Variants in PLPPR5 observed in about 807,000 individuals in gnomAD.
PLPPR5 encodes phospholipid phosphatase related 5, also known as phospholipid phosphatase-related protein type 5.
Under a neutral mutation model 33.9 loss-of-function variants are expected in PLPPR5, and 16 were observed. The ratio of observed to expected loss-of-function variants is 0.47; its 90% CI spans 0.32 to 0.72. The LOEUF (loss-of-function observed/expected upper bound fraction) is 0.72. PLPPR5 is among the 30% of genes least tolerant of loss of function. The pLI is 0.03. For missense variants in PLPPR5, 301 were observed against 406.7 expected (o/e 0.74, Z 2.23); for synonymous variants, 163 against 150.3 (o/e 1.08, Z -0.62).
chr1:98,948,072 C>T (rs1168017322), intron 3 of PLPPR5, among the ~76,000 whole-genome samples: 4 of 152,136 alleles, frequency 2.6e-5, no homozygotes, highest in Non-Finnish European at 4.4e-5. Context: ...CCTATTGTTT[C>T]TACTCCAGAC....
At chr1:98,964,338 G>C (rs1651357919) in intron 1 of PLPPR5, among the ~76,000 whole-genome samples, 1 of 152,144 alleles carries the variant, frequency 6.6e-6, no homozygotes. Context: ...GGCACCAGCT[G>C]TCTATAGAGG....
At chr1:98,997,175 C>A (rs1652660211) in intron 1 of PLPPR5, among the ~76,000 whole-genome samples, 1 of 152,082 alleles carries the variant, frequency 6.6e-6, no homozygotes, top group African/African-American at 2.4e-5. Flanking sequence ...ACTTATCAAG[C>A]ACTTAGTGCA....
At chr1:98,949,231 C>T (rs1273675653) in intron 3 of PLPPR5, among the ~76,000 whole-genome samples, 3 of 150,768 alleles carry the variant, frequency 2.0e-5, no homozygotes, top group Admixed American at 6.6e-5. Flanking sequence ...TTTTTTTTCC[C>T]GGAGAACCAA....
At chr1:98,997,111 G>A (rs989087180) in intron 1 of PLPPR5, among the ~76,000 whole-genome samples, 5 of 152,134 alleles carry the variant, frequency 3.3e-5, no homozygotes, top group African/African-American at 1.2e-4. Flanking sequence ...AATGTCATTT[G>A]CTCTGCATTA....
chr1:98,948,632 C>G (rs1200027416), intron 3 of PLPPR5, among the ~76,000 whole-genome samples: 1 of 152,068 alleles, frequency 6.6e-6, no homozygotes, highest in African/African-American at 2.4e-5. Context: ...CTTAAGATAC[C>G]CTGCAGCTTG....
intron 1 of PLPPR5, among the ~76,000 whole-genome samples, chr1:99,001,366 A>T (rs1440036265): frequency 6.6e-6 from 1 of 151,430 alleles, no homozygotes; most frequent in Non-Finnish European, 1.5e-5. Flanking sequence ...TGATCTCCTG[A>T]CCTTGTGATC....
intron 2 of PLPPR5, 39 bp from the exon 3 acceptor site, chr1:98,953,359 G>GTC: frequency 1.1e-6 from 1 of 942,136 alleles, no homozygotes; most frequent in Non-Finnish European, 1.4e-6. Context: ...TCTTGCTTGT[G>GTC]TGTGTGTGTG....
At chr1:98,937,393 G>A (rs1650209243) in intron 3 of PLPPR5, among the ~76,000 whole-genome samples, 1 of 152,166 alleles carries the variant, frequency 6.6e-6, no homozygotes, top group South Asian at 2.1e-4. Flanking sequence ...AATCTGAGCA[G>A]CCTTAGCAAT....
chr1:98,925,535 G>A (rs547234009), intron 3 of PLPPR5, among the ~76,000 whole-genome samples: 13 of 152,138 alleles, frequency 8.5e-5, no homozygotes, highest in Admixed American at 5.9e-4. Flanking sequence ...AAAAGGTTTT[G>A]CTTACTTGTT....
chr1:98,964,998 A>T (rs1472306369), intron 1 of PLPPR5, among the ~76,000 whole-genome samples: 1 of 134,502 alleles, frequency 7.4e-6, no homozygotes. Context: ...TTTTTGGTAG[A>T]GATGGGATTT....
intron 4 of PLPPR5, among the ~76,000 whole-genome samples, chr1:98,916,750 CT>C (rs1649368553): frequency 2.0e-5 from 3 of 152,312 alleles, no homozygotes; most frequent in Admixed American, 2.0e-4. Flanking sequence ...GATTATTCTT[CT>C]TACTCTTAGT....
chr1:98,991,342 C>A (rs1652444397), intron 1 of PLPPR5: 1 of 151,852 alleles, frequency 6.6e-6, no homozygotes, highest in Non-Finnish European at 1.5e-5. Flanking sequence ...TGTCGTTACA[C>A]CCGCCCCAAG....
chr1:98,910,905 T>C (rs796923278), intron 5 of PLPPR5, among the ~76,000 whole-genome samples: 59 of 141,590 alleles, frequency 4.2e-4, no homozygotes, highest in Admixed American at 3.4e-3. Flanking sequence ...TTTTTTTTTT[T>C]CTCATCGGTG....
chr1:98,960,740 G>A (rs932969931), intron 1 of PLPPR5, among the ~76,000 whole-genome samples: 15 of 152,154 alleles, frequency 9.9e-5, no homozygotes, highest in Non-Finnish European at 1.9e-4. Flanking sequence ...AGGAAGAAGT[G>A]TCACTGAGTC....
chr1:98,995,800 A>G (rs983057952), intron 1 of PLPPR5, among the ~76,000 whole-genome samples: 4 of 152,140 alleles, frequency 2.6e-5, no homozygotes, highest in African/African-American at 9.6e-5. Flanking sequence ...ATAAGTTGTT[A>G]TTAAATAACT....
chr1:98,930,511 A>G (rs899591424), intron 3 of PLPPR5, among the ~76,000 whole-genome samples: 1 of 152,196 alleles, frequency 6.6e-6, no homozygotes. Context: ...TTGAAATACT[A>G]TCTTAAATTA....
At chr1:98,904,802 G>A (rs140923934) in intron 5 of PLPPR5, among the ~76,000 whole-genome samples, 12 of 152,240 alleles carry the variant, frequency 7.9e-5, no homozygotes, top group Non-Finnish European at 1.5e-4. Flanking sequence ...AGAGGTATCC[G>A]TGAAGAAAGA....
chr1:98,950,553 G>A (rs867977897), intron 3 of PLPPR5, among the ~76,000 whole-genome samples: 5 of 152,290 alleles, frequency 3.3e-5, no homozygotes, highest in Non-Finnish European at 5.9e-5. Flanking sequence ...ACTGTCTCCT[G>A]TAGCAATGCC....
intron 1 of PLPPR5, among the ~76,000 whole-genome samples, chr1:98,960,304 A>G (rs1367353955): frequency 6.6e-6 from 1 of 152,014 alleles, no homozygotes; most frequent in Non-Finnish European, 1.5e-5. Context: ...TCCAGGTTCA[A>G]GCAATTCTCC....
Sources: allele counts gnomAD v4.1 joint callset (sites outside exome capture counted in the v4.1 genomes callset), GRCh38; gene constraint gnomAD v4.1.1; transcripts MANE v1.5; gene names NCBI Gene and HGNC (gene_info 2026-07-23, HGNC 2026-07-21).